The following KIFAP3 variants were observed in gnomAD, a reference collection of about 807,000 sequenced individuals.
The protein encoded by KIFAP3 is kinesin associated protein 3.
In KIFAP3, 68 loss-of-function variants were observed where a neutral mutation model predicts 106.5. The observed-to-expected ratio is 0.64, with a 90% CI of 0.53 to 0.78. The LOEUF is 0.78. Among genes scored for constraint, KIFAP3 ranks in the 30% least tolerant of loss-of-function variants. The probability of loss-of-function intolerance (pLI) is 0.00; values close to 1 mark genes in which losing one functional copy is unlikely to be tolerated. For missense variants in KIFAP3, 780 were observed against 941.8 expected (o/e 0.83, Z 2.25); for synonymous variants, 320 against 311.5 (o/e 1.03, Z -0.29).
At chr1:170,069,199 G>A (rs761346380) in intron 1 of KIFAP3, among the ~76,000 whole-genome samples, 2 of 152,038 alleles carry the variant, frequency 1.3e-5, no homozygotes, top group African/African-American at 4.8e-5. Flanking sequence ...AGAATTAGAA[G>A]TAAGGTGATT....
At chr1:169,945,598 T>C (rs1664399719) in intron 19 of KIFAP3, among the ~76,000 whole-genome samples, 1 of 152,244 alleles carries the variant, frequency 6.6e-6, no homozygotes, top group African/African-American at 2.4e-5. Context: ...TTGGGCTTTC[T>C]ATACAGCTAA....
At chr1:170,075,735 C>T (rs1425994807), upstream of KIFAP3, among the ~76,000 whole-genome samples, 2 of 152,178 alleles carry the variant, frequency 1.3e-5, no homozygotes, top group African/African-American at 4.8e-5. Flanking sequence ...AGAAAATTTG[C>T]AGCTAATTTT....
At chr1:169,942,214 C>T (rs1401294681) in intron 19 of KIFAP3, among the ~76,000 whole-genome samples, 1 of 151,890 alleles carries the variant, frequency 6.6e-6, no homozygotes, top group Non-Finnish European at 1.5e-5. Flanking sequence ...TATGTTGAAA[C>T]TAAACATACA....
In KIFAP3 at chr1:169,984,672, C is replaced by A; in HGVS notation, c.1303G>T (p.Glu435Ter). ...AAGTCAATTCGTTCATCTGAACATT[C>A]AAACAGCATCTTCATTAACTAGCAA... ...CIPQLMKMLFECSDERIDLEL... is the reference protein window; with the variant it reads ...CIPQLMKMLF The change falls in exon 12 of 20, where the codon GAA (glutamate) becomes TAA (stop). Residue 435 changes from glutamate to a stop codon, truncating the protein, a stop_gained. Coordinates refer to ENST00000361580, the MANE Select transcript of KIFAP3 (RefSeq NM_014970.4). LOFTEE classifies it high-confidence loss of function. 1 of 1,600,032 alleles carries A rather than the reference C, an allele frequency of 6.2e-7. No homozygotes were observed. The highest frequency in any genetic ancestry group is 1.1e-5 in the South Asian group (1 of 89,698).
rs16862894 is a variant in KIFAP3, at chr1:169,987,325, T to C, written c.1285-2635A>G. The stretch of plus-strand genomic sequence containing the variant: ...AGGCAATAGTGTTCAATCAGACAAG[T>C]CCCATATTGAGTATCAGATACCAAA... On this transcript the variant is annotated intron_variant, in intron 11 of 19. Coordinates refer to ENST00000361580, the MANE Select transcript of KIFAP3 (RefSeq NM_014970.4). 7.1e-3 allele frequency among the ~76,000 whole-genome samples: 1,085 copies of C among 152,094 alleles called. 18 individuals are homozygous for C. Among genetic ancestry groups the C allele is most frequent in the African/African-American group, 0.024 (994 of 41,516 alleles).
intron 10 of KIFAP3, among the ~76,000 whole-genome samples, chr1:170,001,880 A>G (rs1329437549): frequency 6.6e-6 from 1 of 152,182 alleles, no homozygotes; most frequent in Non-Finnish European, 1.5e-5. Flanking sequence ...CACAAAATAA[A>G]GTTTCATTTT....
At chr1:170,016,383 G>T in intron 10 of KIFAP3, 79 bp downstream of exon 10, 1 of 1,082,336 alleles carries the variant, frequency 9.2e-7, no homozygotes, top group Non-Finnish European at 1.4e-6. Context: ...TGTTCAGGAG[G>T]CTTTTCAACA....
chr1:170,040,615 C>T (rs372124969), intron 3 of KIFAP3, among the ~76,000 whole-genome samples: 4 of 152,088 alleles, frequency 2.6e-5, no homozygotes, highest in African/African-American at 7.2e-5. Context: ...AATAAGTAGA[C>T]GCAGATCTTA....
At chr1:170,072,827 G>A (rs535724075) in intron 1 of KIFAP3, among the ~76,000 whole-genome samples, 33 of 152,230 alleles carry the variant, frequency 2.2e-4, no homozygotes, top group African/African-American at 7.7e-4. Context: ...TCTGAAAACA[G>A]ACAATTCAAA....
chr1:169,989,165 T>C (rs556929376), intron 11 of KIFAP3, among the ~76,000 whole-genome samples: 2 of 152,100 alleles, frequency 1.3e-5, no homozygotes, highest in African/African-American at 2.4e-5. Context: ...ATTGCAATAA[T>C]AACAGTATCT....
At chr1:170,004,909 A>T (rs918515777) in intron 10 of KIFAP3, among the ~76,000 whole-genome samples, 16 of 151,908 alleles carry the variant, frequency 1.1e-4, no homozygotes, top group Non-Finnish European at 2.4e-4. Context: ...CTACCATCAG[A>T]GTGAACAGGC....
chr1:169,998,399 T>C (rs3068648), intron 10 of KIFAP3, among the ~76,000 whole-genome samples: 36,020 of 96,690 alleles, frequency 0.37, 4,776 homozygotes, highest in East Asian at 0.44. Flanking sequence ...TATATATATA[T>C]ACACACACAC....
intron 10 of KIFAP3, among the ~76,000 whole-genome samples, chr1:169,998,397 TATAC>T (rs1328695555): frequency 1.2e-3 from 94 of 77,926 alleles, no homozygotes; most frequent in South Asian, 4.3e-3. Flanking sequence ...TATATATATA[TATAC>T]ACACACACAC....
chr1:170,052,732 G>C (rs1165956299), intron 2 of KIFAP3, among the ~76,000 whole-genome samples: 1 of 151,988 alleles, frequency 6.6e-6, no homozygotes, highest in Admixed American at 6.6e-5. Context: ...ACAGAACCAA[G>C]GACAAAAACT....
At chr1:169,962,315 T>C (rs1001049987) in intron 17 of KIFAP3, among the ~76,000 whole-genome samples, 1 of 152,198 alleles carries the variant, frequency 6.6e-6, no homozygotes, top group African/African-American at 2.4e-5. Context: ...GTGAATGGTT[T>C]TGAAGGACAA....
chr1:169,935,137 G>C (rs566942138), intron 19 of KIFAP3, among the ~76,000 whole-genome samples: 1 of 151,798 alleles, frequency 6.6e-6, no homozygotes, highest in South Asian at 2.1e-4. Flanking sequence ...AATATTTTTT[G>C]ACTTTTAAGA....
intron 9 of KIFAP3, among the ~76,000 whole-genome samples, chr1:170,022,138 C>T (rs577631556): frequency 1.1e-4 from 17 of 151,332 alleles, no homozygotes; most frequent in African/African-American, 3.2e-4. Flanking sequence ...TTAGTAGAGA[C>T]GGGGTTTCAC....
intron 10 of KIFAP3, among the ~76,000 whole-genome samples, 188 bp downstream of exon 10, chr1:170,016,274 C>T (rs910233148): frequency 2.6e-5 from 4 of 151,944 alleles, no homozygotes; most frequent in African/African-American, 9.7e-5. Flanking sequence ...TTATTTCATT[C>T]CATAGCACCA....
rs1484205864 is a variant in KIFAP3, at chr1:170,058,859, C to T, written c.33-3423G>A. On this transcript the variant is annotated intron_variant, in intron 1 of 19. Coordinates refer to ENST00000361580, the MANE Select transcript of KIFAP3 (RefSeq NM_014970.4). ...TGCTCTTCAGTAATTATTTAGTAGT[C>T]CATTCCCATCTGCAAATAAACATAT... is the stretch of plus-strand genomic sequence containing the variant. Among the ~76,000 whole-genome samples the T allele has an allele frequency of 4.6e-5, 7 of 152,046 alleles. No homozygotes were observed. The East Asian group carries it at 1.4e-3, about 29-fold the overall frequency.
Sources: gnomAD v4.1 joint callset for allele counts (sites outside exome capture counted in the v4.1 genomes callset) on GRCh38, gnomAD v4.1.1 for gene constraint, MANE v1.5 for transcripts, NCBI Gene and HGNC (gene_info 2026-07-23, HGNC 2026-07-21) for gene names.